The following TFB2M variants were observed in gnomAD, a reference collection of about 807,000 sequenced individuals.
The protein encoded by TFB2M is dimethyladenosine transferase 2, mitochondrial.
TFB2M carries 44 observed loss-of-function variants against 41.3 expected under a neutral mutation model. The observed-to-expected ratio is 1.07, with a 90% confidence interval of 0.84 to 1.37. The LOEUF is 1.37. TFB2M is among the 40% of genes most tolerant of loss of function. The pLI is 0.00. For missense variants in TFB2M, 496 were observed against 490.2 expected, an observed-to-expected ratio of 1.01 and a Z score of -0.11; for synonymous variants, 188 against 176.8, an observed-to-expected ratio of 1.06 and a Z score of -0.50.
chr1:246,550,748 C>T (rs570123856), intron 5 of TFB2M, among the ~76,000 whole-genome samples: 16 of 152,254 alleles, frequency 1.1e-4, no homozygotes, highest in South Asian at 6.2e-4. Flanking sequence ...CAAGGTGTGG[C>T]GGTGCACGCC....
intron 7 of TFB2M, among the ~76,000 whole-genome samples, chr1:246,542,135 C>T (rs1658874694): frequency 1.3e-5 from 2 of 151,954 alleles, no homozygotes; most frequent in Non-Finnish European, 2.9e-5. Flanking sequence ...AGAAAAGATA[C>T]AGTAAAAGAT....
At position 246,544,493 on chromosome 1, in the gene TFB2M, T is replaced by C. The variant is rs1284702920; in HGVS notation, c.1019+28A>G. 3.2e-6 allele frequency: 5 copies of C among 1,566,526 alleles called. No individual in the cohort carries two copies. In the South Asian group the frequency reaches 6.0e-5, roughly 19 times the overall value. Reference sequence around the variant, plus strand: ...AATAATTTGTGCATCGTTGCTACTTTATACTTGCTTTTATTCTTTTTACTC... The same window carrying C: ...AATAATTTGTGCATCGTTGCTACTTCATACTTGCTTTTATTCTTTTTACTC... On this transcript the variant is annotated intron_variant, in intron 7 of 7. Transcript: ENST00000366514.
At chr1:246,560,433 G>A (rs575778535) in intron 2 of TFB2M, among the ~76,000 whole-genome samples, 110 of 152,260 alleles carry the variant, frequency 7.2e-4, no homozygotes, top group African/African-American at 2.6e-3. Flanking sequence ...TGAGGTGGGA[G>A]AATCACCTGA....
At position 246,565,939 on chromosome 1, in the gene TFB2M, G is replaced by A. The variant is rs750785115; in HGVS notation, c.200C>T (p.Ala67Val). The change falls in exon 1 of 8, where the codon GCC becomes GTC. Residue 67 changes from alanine to valine, a missense_variant. Transcript: ENST00000366514. ...FRNPPRKASK[A>V]SLDFKRYVTD... is the part of the protein sequence containing the mutation. ...TACGTAACGCTTAAAGTCTAAGCTGGCCTTAGACGCCTTCCTTGGCGGATT... is the reference window on the plus strand; with the variant it reads ...TACGTAACGCTTAAAGTCTAAGCTGACCTTAGACGCCTTCCTTGGCGGATT... 1 of 1,614,224 alleles carries A rather than the reference G, an allele frequency of 6.2e-7. No homozygotes were observed. Among genetic ancestry groups the A allele is most frequent in the Non-Finnish European group, 8.5e-7 (1 of 1,180,048 alleles).
intron 6 of TFB2M, among the ~76,000 whole-genome samples, chr1:246,546,741 T>G (rs970421341): frequency 6.6e-6 from 1 of 151,280 alleles, no homozygotes. Flanking sequence ...ACAAAAAAAG[T>G]TATTGACTAA....
chr1:246,545,010 T>C (rs1179464373), intron 6 of TFB2M, among the ~76,000 whole-genome samples: 1 of 151,870 alleles, frequency 6.6e-6, no homozygotes, highest in African/African-American at 2.4e-5. Context: ...TTTCACCGTG[T>C]TAGCCAGGAT....
At chr1:246,553,181 A>C (rs1178339959) in intron 4 of TFB2M, among the ~76,000 whole-genome samples, 1 of 152,192 alleles carries the variant, frequency 6.6e-6, no homozygotes, top group Non-Finnish European at 1.5e-5. Context: ...GGATTGCGCC[A>C]CTGCACTCCA....
At chr1:246,564,681 CTTTTTTT>C (rs552531866) in intron 1 of TFB2M, among the ~76,000 whole-genome samples, 2 of 141,196 alleles carry the variant, frequency 1.4e-5, no homozygotes, top group Non-Finnish European at 3.1e-5. Flanking sequence ...AACCTGCACT[CTTTTTTT>C]TTTTTTTTTG....
In TFB2M at chr1:246,548,626, G is replaced by A. The variant is rs1281698172; in HGVS notation, c.796-19C>T. 6.8e-6 allele frequency: 11 copies of A among 1,606,866 alleles called. No individual in the cohort carries two copies. The East Asian group carries it at 1.8e-4, about 26-fold the overall frequency. On this transcript the variant is annotated intron_variant, in intron 5 of 7. Transcript: ENST00000366514. ...AAGGCTCCTGGGGAAGAAAAACAAA[G>A]CAAAACAACATCTTTTATTTCTCTT...
At chr1:246,544,454 C>T in intron 7 of TFB2M, 67 bp downstream of exon 7, 2 of 1,390,720 alleles carry the variant, frequency 1.4e-6, no homozygotes. Context: ...AAAAATAGAT[C>T]TCTAGCATGA....
chr1:246,540,965 A>G lies in TFB2M; in HGVS notation c.*66T>C. Reference sequence around the variant, plus strand: ...TCTGCTGAAAGGATGTGAGTTTTCAAATTTGGTTTTCATGTCATAGTTTCC... The same window carrying G: ...TCTGCTGAAAGGATGTGAGTTTTCAGATTTGGTTTTCATGTCATAGTTTCC... On this transcript the variant is annotated 3_prime_UTR_variant, in exon 8 of 8. Coordinates refer to ENST00000366514, the MANE Select transcript of TFB2M (RefSeq NM_022366.3). 2.0e-6 allele frequency: 3 copies of G among 1,504,576 alleles called. No individual in the cohort carries two copies. In the South Asian group the frequency reaches 3.9e-5, roughly 19 times the overall value. 93.2% of individuals were successfully genotyped at this position (1,504,576 alleles called of 1,614,324 possible).
At chr1:246,543,784 C>G (rs1424139196) in intron 7 of TFB2M, among the ~76,000 whole-genome samples, 2 of 147,866 alleles carry the variant, frequency 1.4e-5, no homozygotes, top group African/African-American at 5.3e-5. Flanking sequence ...AATTGGCATA[C>G]AATTTATAAA....
intron 2 of TFB2M, among the ~76,000 whole-genome samples, chr1:246,563,839 A>C (rs1471330693): frequency 6.6e-6 from 1 of 152,254 alleles, no homozygotes; most frequent in Non-Finnish European, 1.5e-5. Flanking sequence ...ATATCTCATT[A>C]TGTATATGCA....
intron 4 of TFB2M, among the ~76,000 whole-genome samples, chr1:246,551,729 A>T (rs1659190397): frequency 6.6e-6 from 1 of 152,228 alleles, no homozygotes; most frequent in African/African-American, 2.4e-5. Flanking sequence ...GCTGACTTGA[A>T]AGGACGAGGT....
intron 7 of TFB2M, among the ~76,000 whole-genome samples, chr1:246,542,672 T>C (rs1658894641): frequency 6.6e-6 from 1 of 152,210 alleles, no homozygotes; most frequent in Non-Finnish European, 1.5e-5. Flanking sequence ...ACTCTCTGTC[T>C]GTTCAATTCC....
chr1:246,557,989 A>G (rs1659368259), intron 2 of TFB2M, among the ~76,000 whole-genome samples: 1 of 152,094 alleles, frequency 6.6e-6, no homozygotes, highest in African/African-American at 2.4e-5. Flanking sequence ...TTTACAAAAA[A>G]TATTTCTACC....
intron 2 of TFB2M, among the ~76,000 whole-genome samples, chr1:246,563,966 G>A (rs779399074): frequency 6.6e-6 from 1 of 152,136 alleles, no homozygotes; most frequent in African/African-American, 2.4e-5. Flanking sequence ...TAAATATAGA[G>A]GTTACACAGA....
chr1:246,565,426 G>C (rs1382964948), intron 1 of TFB2M, among the ~76,000 whole-genome samples: 2 of 152,166 alleles, frequency 1.3e-5, no homozygotes, highest in Non-Finnish European at 2.9e-5. Flanking sequence ...ACAAAGACCC[G>C]TATCTGGACG....
At chr1:246,545,269 G>T (rs1374901359) in intron 6 of TFB2M, among the ~76,000 whole-genome samples, 1 of 152,026 alleles carries the variant, frequency 6.6e-6, no homozygotes, top group African/African-American at 2.4e-5. Context: ...AGTGGCTCAT[G>T]CCCATGATCC....
Sources: allele counts gnomAD v4.1 joint callset (sites outside exome capture counted in the v4.1 genomes callset), GRCh38; gene constraint gnomAD v4.1.1; transcripts MANE v1.5; gene names NCBI Gene and HGNC (gene_info 2026-07-23, HGNC 2026-07-21).